The following MITD1 variants were observed in gnomAD, a reference collection of about 807,000 sequenced individuals.
MITD1 encodes microtubule interacting and trafficking domain containing 1.
A neutral mutation model predicts 34.9 loss-of-function variants in MITD1; 24 were observed. The ratio of observed to expected loss-of-function variants is 0.69; its 90% CI spans 0.50 to 0.97. MITD1 has a LOEUF of 0.97. Among genes scored for constraint, MITD1 ranks in the 50% least tolerant of loss-of-function variants. MITD1 has a pLI of 0.00. For missense variants in MITD1, 266 were observed against 294.6 expected, an observed-to-expected ratio of 0.90 and a Z score of 0.71; for synonymous variants, 102 against 101.4, an observed-to-expected ratio of 1.01 and a Z score of -0.04.
chr2:99,167,571 T>C (rs1036392431), downstream of MITD1, among the ~76,000 whole-genome samples: 1 of 152,220 alleles, frequency 6.6e-6, no homozygotes, highest in African/African-American at 2.4e-5. Context: ...TAATTCTCCA[T>C]AGTAACGATT....
intron 7 of MITD1, among the ~76,000 whole-genome samples, chr2:99,164,067 G>A (rs545846330): frequency 3.9e-5 from 6 of 152,170 alleles, no homozygotes; most frequent in African/African-American, 1.2e-4. Context: ...ATGCTGGGGG[G>A]AAAGATCATA....
rs552120721 is a variant in MITD1, at chr2:99,162,325, AG to A, written c.*4-108del. ...TTGACTTTCTTTACAACCAAAAAAA[AG>A]TATGATAGAATGGAAAATCTGAAAT... On this transcript the variant is annotated intron_variant, in intron 7 of 7. Transcript: ENST00000422537. The A allele has an allele frequency of 9.1e-4, 1,473 of 1,613,298 alleles. No individual in the cohort carries two copies. The highest frequency in any genetic ancestry group is 1.2e-3 in the Non-Finnish European group (1,382 of 1,179,942).
intron 1 of MITD1, among the ~76,000 whole-genome samples, chr2:99,175,644 C>T (rs1222070766): frequency 1.3e-5 from 2 of 152,216 alleles, no homozygotes; most frequent in Non-Finnish European, 2.9e-5. Context: ...TCCCATCACT[C>T]TTTCTCCCAC....
chr2:99,162,231 G>A (rs2093799380), intron 7 of MITD1: 5 of 1,613,776 alleles, frequency 3.1e-6, no homozygotes, highest in Middle Eastern at 3.3e-4. Flanking sequence ...AATGAGAGAA[G>A]AAGGTATAAA....
intron 1 of MITD1, among the ~76,000 whole-genome samples, chr2:99,177,309 T>C (rs769557370): frequency 3.3e-5 from 5 of 152,204 alleles, no homozygotes; most frequent in Non-Finnish European, 5.9e-5. Context: ...CCCATTAACC[T>C]TACTCCCATA....
chr2:99,173,503 C>A (rs1346148221), intron 2 of MITD1: 1 of 469,606 alleles, frequency 2.1e-6, no homozygotes. Flanking sequence ...TCTTTAGCTT[C>A]TTTCATGATT....
At chr2:99,164,508 T>G (rs2093817304), downstream of MITD1, among the ~76,000 whole-genome samples, 1 of 150,596 alleles carries the variant, frequency 6.6e-6, no homozygotes. Flanking sequence ...AGTTATTTTC[T>G]TTTAATATAT....
chr2:99,174,684 G>A (rs1006769135), intron 1 of MITD1, among the ~76,000 whole-genome samples: 2 of 152,126 alleles, frequency 1.3e-5, no homozygotes, highest in South Asian at 2.1e-4. Flanking sequence ...TCCACCTCCC[G>A]GGTTCAAGCA....
At chr2:99,165,128 T>C (rs919858134), downstream of MITD1, among the ~76,000 whole-genome samples, 17 of 151,806 alleles carry the variant, frequency 1.1e-4, no homozygotes, top group African/African-American at 4.1e-4. Flanking sequence ...AATACAGAGG[T>C]ATGATCTCAG....
downstream of MITD1, chr2:99,161,632 G>A (rs987285123): frequency 1.6e-4 from 30 of 185,842 alleles, no homozygotes; most frequent in South Asian, 2.6e-3. Context: ...GAGCCCAGGA[G>A]TTTGAGACCA....
chr2:99,166,860 T>TAA (rs2093829423), downstream of MITD1, among the ~76,000 whole-genome samples: 2 of 11,778 alleles, frequency 1.7e-4, no homozygotes, highest in African/African-American at 4.4e-4. Flanking sequence ...GGGTTTTAAA[T>TAA]ATATATATAT....
rs756676511 is a variant in MITD1 at position 99,181,004 on chromosome 2, C to T, written c.-23G>A. ...CATAATTCTGGAAGTTCTCCTCCGC[C>T]TCAACCCAGGATGAAGTTGAGCGGG... On this transcript the variant is annotated 5_prime_UTR_variant, in exon 1 of 7. Transcript: ENST00000289359. 6.2e-7 allele frequency: 1 copy of T among 1,608,770 alleles called. No homozygotes were observed. Among genetic ancestry groups the T allele is most frequent in the Non-Finnish European group, 8.5e-7 (1 of 1,177,214 alleles).
intron 1 of MITD1, among the ~76,000 whole-genome samples, chr2:99,176,727 A>G (rs926310142): frequency 2.0e-5 from 3 of 152,040 alleles, no homozygotes; most frequent in Admixed American, 2.0e-4. Context: ...CGTTAGTGTT[A>G]GTGTATTTTA....
chr2:99,173,876 A>C (rs1392544330), intron 2 of MITD1, 39 bp downstream of exon 2: 2 of 1,246,810 alleles, frequency 1.6e-6, no homozygotes, highest in Non-Finnish European at 1.2e-6. Flanking sequence ...GGACAGTCAC[A>C]GTTGTTTATG....
At chr2:99,164,852 A>G (rs2093819208), downstream of MITD1, among the ~76,000 whole-genome samples, 1 of 139,998 alleles carries the variant, frequency 7.1e-6, no homozygotes, top group African/African-American at 2.5e-5. Flanking sequence ...ATGTTTCTCC[A>G]GAGAGAGGAT....
At chr2:99,163,173 T>C (rs1264034073) in intron 7 of MITD1, 1 of 669,644 alleles carries the variant, frequency 1.5e-6, no homozygotes, top group South Asian at 3.8e-5. Context: ...TCTCTTTTAG[T>C]AACGTCAAAA....
chr2:99,169,647 T>C, intron 5 of MITD1, 37 bp from the exon 6 acceptor site: 1 of 1,503,172 alleles, frequency 6.7e-7, no homozygotes, highest in Non-Finnish European at 9.3e-7. Flanking sequence ...ATTCAAGACA[T>C]TTAAGTCAGA....
At chr2:99,164,199 C>T (rs1019892974) in intron 7 of MITD1, among the ~76,000 whole-genome samples, 8 of 152,174 alleles carry the variant, frequency 5.3e-5, no homozygotes, top group Admixed American at 4.6e-4. Context: ...AATGTTTCCA[C>T]TCTTCTCAAG....
chr2:99,172,766 C>G (rs1394450633), intron 2 of MITD1: 1 of 151,908 alleles, frequency 6.6e-6, no homozygotes, highest in Non-Finnish European at 1.5e-5. Flanking sequence ...GCCTGTAGTC[C>G]CAGCTACTCG....
Sources: gnomAD v4.1 joint callset for allele counts (sites outside exome capture counted in the v4.1 genomes callset) on GRCh38, gnomAD v4.1.1 for gene constraint, MANE v1.5 for transcripts, NCBI Gene and HGNC (gene_info 2026-07-23, HGNC 2026-07-21) for gene names.